The following LRP1B variants were observed in gnomAD, a reference collection of about 807,000 sequenced individuals.
LRP1B encodes the protein LDL receptor related protein 1B.
A neutral mutation model predicts 556.6 loss-of-function variants in LRP1B; 217 were observed. The ratio of observed to expected loss-of-function variants is 0.39; its 90% confidence interval spans 0.35 to 0.44. The LOEUF is 0.44. LRP1B is among the 20% of genes least tolerant of loss of function. LRP1B has a pLI of 1.00. For synonymous variants in LRP1B, 2,047 were observed against 1,865.8 expected (o/e 1.10, Z -2.50); for missense variants, 5,053 against 5,620.8 (o/e 0.90, Z 3.23).
At chr2:141,319,782 G>T (rs1438516321) in intron 3 of LRP1B, among the ~76,000 whole-genome samples, 2 of 151,970 alleles carry the variant, frequency 1.3e-5, no homozygotes, top group African/African-American at 4.8e-5. Context: ...ATTTTATAGA[G>T]CAACATGTAA....
intron 2 of LRP1B, among the ~76,000 whole-genome samples, chr2:141,744,559 A>G (rs1693841845): frequency 6.6e-6 from 1 of 152,144 alleles, no homozygotes; most frequent in Admixed American, 6.6e-5. Context: ...CTCTGGAAAA[A>G]TCTATCTGTC....
chr2:141,050,407 C>A lies in LRP1B; in HGVS notation c.1553-1185G>T, dbSNP rs112709218. Reference sequence around the variant, plus strand: ...GTTTGTTACATAGATAGCATACATGCACCATGGTGGTTTGCTGCACCTATC... The same window carrying A: ...GTTTGTTACATAGATAGCATACATGAACCATGGTGGTTTGCTGCACCTATC... On this transcript the variant is annotated intron_variant, in intron 10 of 90. Coordinates refer to ENST00000389484, the MANE Select transcript of LRP1B (RefSeq NM_018557.3). Among the ~76,000 whole-genome samples, 1,348 of 151,958 alleles carry A rather than the reference C, an allele frequency of 8.9e-3. 19 individuals carry two copies. Among genetic ancestry groups the A allele is most frequent in the African/African-American group, 0.03 (1,256 of 41,442 alleles).
chr2:141,150,640 A>G (rs1201457244), intron 7 of LRP1B, among the ~76,000 whole-genome samples: 1 of 152,156 alleles, frequency 6.6e-6, no homozygotes, highest in Non-Finnish European at 1.5e-5. Flanking sequence ...TTTCATGTGA[A>G]AAAAAGTAAT....
At chr2:141,630,043 G>T (rs183134381) in intron 2 of LRP1B, among the ~76,000 whole-genome samples, 311 of 152,140 alleles carry the variant, frequency 2.0e-3, no homozygotes, top group Non-Finnish European at 3.5e-3. Flanking sequence ...TTCATCCAAG[G>T]TCCCTCACCC....
intron 5 of LRP1B, among the ~76,000 whole-genome samples, chr2:141,243,649 G>A (rs1012518720): frequency 1.3e-5 from 2 of 151,986 alleles, no homozygotes; most frequent in South Asian, 2.1e-4. Context: ...ATATGTTTCA[G>A]ACTTTTCTTT....
intron 1 of LRP1B, among the ~76,000 whole-genome samples, chr2:141,822,112 C>CAGAG: frequency 9.0e-6 from 1 of 111,650 alleles, no homozygotes; most frequent in Non-Finnish European, 1.8e-5. Flanking sequence ...CACACACACA[C>CAGAG]ACACACACAC....
rs1413015216 is a variant in LRP1B at position 140,442,509 on chromosome 2, T to C, written c.10409A>G (p.Asn3470Ser). The change falls in exon 66 of 91, where the codon AAC becomes AGC. Residue 3470 changes from asparagine to serine, a missense_variant. Around this residue, in one of 5 missense-constraint regions of LRP1B, gnomAD observed 262 missense variants for 395.1 expected, o/e 0.66. Transcript: ENST00000389484. ...CCAGAGTCACAGACACTCACCGCAG[T>C]TGGCCTCGTCTGATGCATCTGCACA... is the stretch of plus-strand genomic sequence containing the variant. ...PDCADASDEA[N>S]CDKKTCGPHE... The C allele has an allele frequency of 6.2e-7, 1 of 1,612,210 alleles. No individual in the cohort carries two copies. The highest frequency in any genetic ancestry group is 8.5e-7 in the Non-Finnish European group (1 of 1,179,154).
intron 21 of LRP1B, among the ~76,000 whole-genome samples, chr2:140,909,894 A>G (rs1694365653): frequency 6.6e-6 from 1 of 151,200 alleles, no homozygotes; most frequent in African/African-American, 2.4e-5. Flanking sequence ...AAAATGTACA[A>G]GAACTATACA....
At chr2:141,332,073 G>C (rs954792810) in intron 3 of LRP1B, among the ~76,000 whole-genome samples, 2 of 151,576 alleles carry the variant, frequency 1.3e-5, no homozygotes, top group Non-Finnish European at 2.9e-5. Context: ...CCTATATGCT[G>C]ATCTTGGCAA....
At chr2:141,973,688 A>C (rs191981299) in intron 1 of LRP1B, among the ~76,000 whole-genome samples, 241 of 151,982 alleles carry the variant, frequency 1.6e-3, no homozygotes, top group African/African-American at 5.6e-3. Context: ...TAATTTGAGC[A>C]AAGCGGTATA....
intron 2 of LRP1B, among the ~76,000 whole-genome samples, chr2:141,557,503 T>G (rs1248365276): frequency 6.6e-6 from 1 of 151,850 alleles, no homozygotes; most frequent in Non-Finnish European, 1.5e-5. Context: ...TGGCAATATG[T>G]CTAAGTTCTC....
intron 83 of LRP1B, among the ~76,000 whole-genome samples, chr2:140,310,850 A>G (rs1258577191): frequency 1.3e-5 from 2 of 151,942 alleles, no homozygotes; most frequent in Non-Finnish European, 2.9e-5. Context: ...CAAAAAATTT[A>G]TAACTAAAAC....
At chr2:141,939,619 C>T (rs1700736544) in intron 1 of LRP1B, among the ~76,000 whole-genome samples, 1 of 152,048 alleles carries the variant, frequency 6.6e-6, no homozygotes, top group Non-Finnish European at 1.5e-5. Context: ...TAAAACCTAA[C>T]TTTCTACTTA....
Position 141,569,063 on chromosome 2 carries a change from C to T in LRP1B, c.206-88530G>A, listed in dbSNP as rs1354312014. ...GATTATAGGTGTGAGCCACCGTGCC[C>T]GGCCATCACATTTATTTGGTACCAA... is the stretch of plus-strand genomic sequence containing the variant. On this transcript the variant is annotated intron_variant, in intron 2 of 90. Coordinates refer to ENST00000389484, the MANE Select transcript of LRP1B (RefSeq NM_018557.3). Among the ~76,000 whole-genome samples, 6 of 150,930 alleles carry T rather than the reference C, an allele frequency of 4.0e-5. 1 individual carries two copies. The highest frequency in any genetic ancestry group is 1.5e-4 in the African/African-American group (6 of 41,322).
chr2:140,562,000 A>G (rs1193699867), intron 43 of LRP1B, among the ~76,000 whole-genome samples: 3 of 152,130 alleles, frequency 2.0e-5, no homozygotes, highest in South Asian at 2.1e-4. Context: ...CTTGCAACAG[A>G]TAAAGAAAAA....
At chr2:142,111,413 A>T (rs1706984570) in intron 1 of LRP1B, among the ~76,000 whole-genome samples, 1 of 152,126 alleles carries the variant, frequency 6.6e-6, no homozygotes, top group Non-Finnish European at 1.5e-5. Flanking sequence ...TACTGGGAAC[A>T]GCTCAAGTGT....
intron 7 of LRP1B, among the ~76,000 whole-genome samples, chr2:141,099,321 A>C (rs1700402768): frequency 2.0e-5 from 3 of 152,132 alleles, no homozygotes. Context: ...TTAGACCACC[A>C]CGTTAATTTC....
intron 1 of LRP1B, among the ~76,000 whole-genome samples, chr2:142,113,328 C>T (rs1707069333): frequency 6.6e-6 from 1 of 152,048 alleles, no homozygotes; most frequent in African/African-American, 2.4e-5. Context: ...TTCTCACTAC[C>T]TTACTAGAGC....
At chr2:141,137,324 C>A (rs931799021) in intron 7 of LRP1B, among the ~76,000 whole-genome samples, 1 of 151,902 alleles carries the variant, frequency 6.6e-6, no homozygotes, top group Admixed American at 6.6e-5. Flanking sequence ...TATATGTCAT[C>A]ATTCCTGGAA....
Sources: gnomAD v4.1 joint callset for allele counts (sites outside exome capture counted in the v4.1 genomes callset) on GRCh38, gnomAD v4.1.1 for gene constraint, gnomAD v4.1.1 regional missense constraint, MANE v1.5 for transcripts, NCBI Gene and HGNC (gene_info 2026-07-23, HGNC 2026-07-21) for gene names.